The following CALCRL variants were observed in gnomAD, a reference collection of about 807,000 sequenced individuals.
The protein encoded by CALCRL is calcitonin gene-related peptide type 1 receptor.
In CALCRL, 27 loss-of-function variants were observed where a neutral mutation model predicts 60.4. The observed-to-expected ratio is 0.45, with a 90% confidence interval of 0.33 to 0.62. CALCRL has a LOEUF of 0.62. Among genes scored for constraint, CALCRL ranks in the 20% least tolerant of loss-of-function variants. The pLI, the probability that CALCRL is intolerant of heterozygous loss-of-function variation, is 0.03. For missense variants in CALCRL, 424 were observed against 540.7 expected, an observed-to-expected ratio of 0.78 and a Z score of 2.14; for synonymous variants, 190 against 182.6, an observed-to-expected ratio of 1.04 and a Z score of -0.33.
intron 1 of CALCRL, among the ~76,000 whole-genome samples, chr2:187,398,460 C>A (rs1388620241): frequency 6.6e-6 from 1 of 151,584 alleles, no homozygotes; most frequent in Admixed American, 6.6e-5. Context: ...CACCTACTAG[C>A]ACATTCCAAC....
intron 1 of CALCRL, among the ~76,000 whole-genome samples, chr2:187,414,889 TAA>T (rs3053232): frequency 0.81 from 117,883 of 146,330 alleles, 47,515 homozygotes; most frequent in East Asian, 0.91. Context: ...TTTTTTTTTT[TAA>T]AAAAAAAAAG....
At chr2:187,440,187 A>G (rs1432777501) in intron 1 of CALCRL, among the ~76,000 whole-genome samples, 2 of 152,090 alleles carry the variant, frequency 1.3e-5, no homozygotes, top group Non-Finnish European at 2.9e-5. Flanking sequence ...GTCCATATGC[A>G]TATTAGGTTG....
At chr2:187,422,103 T>C (rs945151109) in intron 1 of CALCRL, among the ~76,000 whole-genome samples, 2 of 152,166 alleles carry the variant, frequency 1.3e-5, no homozygotes, top group Non-Finnish European at 2.9e-5. Context: ...CAAAGGTAGC[T>C]AGCAGGAAAT....
At chr2:187,444,249 A>G (rs1210965102) in intron 1 of CALCRL, among the ~76,000 whole-genome samples, 1 of 151,656 alleles carries the variant, frequency 6.6e-6, no homozygotes, top group Non-Finnish European at 1.5e-5. Context: ...ATTCAAAAAG[A>G]TATGTTCCAT....
intron 1 of CALCRL, among the ~76,000 whole-genome samples, chr2:187,389,830 A>C (rs1688359727): frequency 6.6e-6 from 1 of 152,066 alleles, no homozygotes; most frequent in South Asian, 2.1e-4. Flanking sequence ...TTATCTACGA[A>C]TTTATTGGAA....
At chr2:187,392,873 A>G (rs1574267782) in intron 1 of CALCRL, among the ~76,000 whole-genome samples, 2 of 152,076 alleles carry the variant, frequency 1.3e-5, no homozygotes, top group East Asian at 1.9e-4. Context: ...CTGGCCTCCA[A>G]TAAAGTATGA....
rs1428622289 is a variant in CALCRL, at chr2:187,413,255, GA to G, written c.-292-25500del. Among the ~76,000 whole-genome samples, 10 of 151,884 alleles carry G rather than the reference GA, an allele frequency of 6.6e-5. No homozygotes were observed. The East Asian group carries it at 1.9e-3, about 29-fold the overall frequency. On this transcript the variant is annotated intron_variant, in intron 1 of 14. Coordinates refer to ENST00000392370, the MANE Select transcript of CALCRL (RefSeq NM_005795.6). ...AACATGAGCGAAGACAAAAGACAGG[GA>G]AAAAAAGAGTGAACATCACATGGGC... is the stretch of plus-strand genomic sequence containing the variant.
At position 187,351,906 on chromosome 2, in the gene CALCRL, A is replaced by G. The variant is rs774913257; in HGVS notation, c.1170+14T>C. 1 of 1,505,408 alleles carries G rather than the reference A, an allele frequency of 6.6e-7. No homozygotes were observed. The highest frequency in any genetic ancestry group is 9.2e-7 in the Non-Finnish European group (1 of 1,089,300). 93.3% of individuals were successfully genotyped at this position (1,505,408 alleles called of 1,614,324 possible). A position where few individuals can be genotyped will look rare whatever the true frequency, so the allele number is the denominator to read the frequency against. On this transcript the variant is annotated intron_variant, in intron 14 of 14. Coordinates refer to ENST00000392370, the MANE Select transcript of CALCRL (RefSeq NM_005795.6). ...AATATAAAATAATAGAAGGAATAAA[A>G]TCAATTATCATACCTCTCCATTAAA...
Position 187,383,178 on chromosome 2 carries a change from G to C in CALCRL, c.179C>G (p.Ala60Gly). 3 of 1,607,796 alleles carry C rather than the reference G, an allele frequency of 1.9e-6. No homozygotes were observed. Among genetic ancestry groups the C allele is most frequent in the South Asian group, 2.2e-5 (2 of 89,544 alleles). The change falls in exon 5 of 15, where the codon GCA (alanine) becomes GGA (glycine). Residue 60 changes from alanine to glycine, a missense_variant. Transcript: ENST00000392370. ...AACTAAGTAGCCATGCTTACCTTCTGCTTGTTGAATGGGGTCTTGCATAAT... is the reference window on the plus strand; with the variant it reads ...AACTAAGTAGCCATGCTTACCTTCTCCTTGTTGAATGGGGTCTTGCATAAT... ...QKIMQDPIQQ[A>G]EGVYCNRTWD...
At chr2:187,419,845 T>C (rs959792693) in intron 1 of CALCRL, among the ~76,000 whole-genome samples, 1 of 152,210 alleles carries the variant, frequency 6.6e-6, no homozygotes, top group Admixed American at 6.5e-5. Context: ...CATTCTGTGA[T>C]AGCAAAATGA....
chr2:187,444,638 T>C (rs1691085106), intron 1 of CALCRL, among the ~76,000 whole-genome samples: 1 of 151,528 alleles, frequency 6.6e-6, no homozygotes, highest in Admixed American at 6.6e-5. Context: ...ACTTATTACC[T>C]GATAATAATT....
intron 1 of CALCRL, among the ~76,000 whole-genome samples, chr2:187,425,354 C>A (rs969520637): frequency 6.6e-6 from 1 of 151,636 alleles, no homozygotes; most frequent in African/African-American, 2.4e-5. Flanking sequence ...TTATACAGAC[C>A]CAGTTGCAAT....
intron 4 of CALCRL, among the ~76,000 whole-genome samples, chr2:187,384,681 T>C (rs1390396984): frequency 1.3e-5 from 2 of 152,172 alleles, no homozygotes; most frequent in Non-Finnish European, 2.9e-5. Context: ...TTTTTGTTTT[T>C]TGTTTTTTTC....
rs1385881233 is a variant in CALCRL, at chr2:187,343,020, C to A, written c.*3164G>T. ...AAGGAGATGAATTTCTGAACATTTT[C>A]TTATTTTGAGACATCCTTTTTCTTC... is the stretch of plus-strand genomic sequence containing the variant. On this transcript the variant is annotated 3_prime_UTR_variant, in exon 15 of 15. Coordinates refer to ENST00000392370, the MANE Select transcript of CALCRL (RefSeq NM_005795.6). 3 of 151,390 alleles carry A rather than the reference C, an allele frequency of 2.0e-5. No individual in the cohort carries two copies. Among genetic ancestry groups the A allele is most frequent in the African/African-American group, 4.8e-5 (2 of 41,358 alleles). 9.4% of individuals were successfully genotyped at this position (151,390 alleles called of 1,614,324 possible). A position where few individuals can be genotyped will look rare whatever the true frequency, so the allele number is the denominator to read the frequency against.
At chr2:187,442,433 A>G (rs992789847) in intron 1 of CALCRL, among the ~76,000 whole-genome samples, 1 of 151,696 alleles carries the variant, frequency 6.6e-6, no homozygotes, top group South Asian at 2.1e-4. Context: ...GTCTTAATTT[A>G]TAAAATATTC....
At chr2:187,406,160 C>T (rs895383412) in intron 1 of CALCRL, among the ~76,000 whole-genome samples, 7 of 145,648 alleles carry the variant, frequency 4.8e-5, no homozygotes, top group African/African-American at 1.8e-4. Context: ...TCCCAACCAA[C>T]ACAAAACAAA....
In CALCRL at chr2:187,383,171, A is replaced by G; in HGVS notation, c.184+2T>C. The stretch of plus-strand genomic sequence containing the variant: ...CATTTACAACTAAGTAGCCATGCTT[A>G]CCTTCTGCTTGTTGAATGGGGTCTT... On this transcript the variant is annotated splice_donor_variant, in intron 5 of 14. Coordinates refer to ENST00000392370, the MANE Select transcript of CALCRL (RefSeq NM_005795.6). LOFTEE classifies it high-confidence loss of function. 1 of 1,607,970 alleles carries G rather than the reference A, an allele frequency of 6.2e-7. No homozygotes were observed. Among genetic ancestry groups the G allele is most frequent in the Non-Finnish European group, 8.5e-7 (1 of 1,178,854 alleles).
At chr2:187,362,303 T>A (rs1341726964) in intron 9 of CALCRL, among the ~76,000 whole-genome samples, 1 of 152,068 alleles carries the variant, frequency 6.6e-6, no homozygotes, top group Non-Finnish European at 1.5e-5. Context: ...AAATTCACTC[T>A]AAAATGGCAG....
At chr2:187,357,295 A>T (rs1686837366) in intron 12 of CALCRL, among the ~76,000 whole-genome samples, 1 of 152,114 alleles carries the variant, frequency 6.6e-6, no homozygotes, top group South Asian at 2.1e-4. Flanking sequence ...AAAATGTGGC[A>T]TATATACACC....
Sources: gnomAD v4.1 joint callset for allele counts (sites outside exome capture counted in the v4.1 genomes callset) on GRCh38, gnomAD v4.1.1 for gene constraint, MANE v1.5 for transcripts, NCBI Gene and HGNC (gene_info 2026-07-23, HGNC 2026-07-21) for gene names.